The following TAF12 variants were observed in gnomAD, a reference collection of about 807,000 sequenced individuals.
The protein encoded by TAF12 is TATA-box binding protein associated factor 12, also known as transcription initiation factor TFIID subunit 12.
In TAF12, 3 loss-of-function variants were observed where a neutral mutation model predicts 20.8. That is an observed-to-expected ratio of 0.14 (90% confidence interval 0.07 to 0.37). TAF12 has a LOEUF of 0.37. TAF12 is among the 10% of genes least tolerant of loss of function. The pLI is 1.00. For synonymous variants in TAF12, 69 were observed against 70.2 expected (o/e 0.98, Z 0.09); for missense variants, 131 against 197.9 (o/e 0.66, Z 2.03).
At chr1:28,624,490 TA>T (rs747566463) in intron 1 of TAF12, among the ~76,000 whole-genome samples, 11 of 152,326 alleles carry the variant, frequency 7.2e-5, no homozygotes, top group Non-Finnish European at 1.3e-4. Flanking sequence ...CTCATGCCTG[TA>T]ATCCCAGCAC....
At chr1:28,617,412 G>T (rs575424562) in intron 3 of TAF12, among the ~76,000 whole-genome samples, 1 of 151,354 alleles carries the variant, frequency 6.6e-6, no homozygotes, top group Non-Finnish European at 1.5e-5. Flanking sequence ...CTAGTAGCTG[G>T]AACTACAGGT....
chr1:28,615,812 A>T (rs1667021629), intron 3 of TAF12, among the ~76,000 whole-genome samples: 1 of 151,634 alleles, frequency 6.6e-6, no homozygotes, highest in African/African-American at 2.4e-5. Flanking sequence ...CATTTAGGGA[A>T]TCTTCCATTA....
intron 1 of TAF12, among the ~76,000 whole-genome samples, chr1:28,639,095 G>A (rs887788981): frequency 2.0e-5 from 3 of 150,926 alleles, no homozygotes; most frequent in Non-Finnish European, 4.4e-5. Flanking sequence ...AATTTTTTAA[G>A]ACAGAATCTT....
chr1:28,623,047 AC>A lies in TAF12; in HGVS notation c.-84-883del, dbSNP rs377460494. ...CCCCCACCGCCCCACAAAAAAAAAA[AC>A]AAAACACAAAAAACACTTAGCTGGA... is the stretch of plus-strand genomic sequence containing the variant. On this transcript the variant is annotated intron_variant, in intron 1 of 5. Coordinates refer to ENST00000373824, the MANE Select transcript of TAF12 (RefSeq NM_005644.4). Among the ~76,000 whole-genome samples the A allele has an allele frequency of 8.4e-3, 1,257 of 150,404 alleles. 16 individuals are homozygous for A. Among genetic ancestry groups the A allele is most frequent in the African/African-American group, 0.028 (1,148 of 41,210 alleles).
chr1:28,629,475 A>G (rs150601838), intron 1 of TAF12, among the ~76,000 whole-genome samples: 6 of 152,226 alleles, frequency 3.9e-5, no homozygotes, highest in African/African-American at 1.2e-4. Flanking sequence ...CTGGGATTAC[A>G]GGCACGTACT....
intron 1 of TAF12, among the ~76,000 whole-genome samples, chr1:28,626,286 A>T (rs1053252401): frequency 5.9e-5 from 9 of 151,700 alleles, no homozygotes; most frequent in Non-Finnish European, 1.2e-4. Context: ...CCTCAGCCTA[A>T]ATTTTTTTTA....
intron 5 of TAF12, 113 bp from the exon 6 acceptor site, chr1:28,603,687 C>G (rs1175384416): frequency 1.0e-6 from 1 of 990,416 alleles, no homozygotes; most frequent in Admixed American, 2.0e-5. Context: ...CCGCAGCCCT[C>G]AGAGACCTGC....
Position 28,603,298 on chromosome 1 carries a change from T to C in TAF12, c.*241A>G, listed in dbSNP as rs1666563917. 1.9e-6 allele frequency: 1 copy of C among 529,746 alleles called. No individual in the cohort carries two copies. The highest frequency in any genetic ancestry group is 3.4e-6 in the Non-Finnish European group (1 of 297,496). 32.8% of individuals were successfully genotyped at this position (529,746 alleles called of 1,614,324 possible). ...TATATAATAAACCACAAATAAAATC[T>C]TCTCTGGAAGATACATTGCTCCTCT... On this transcript the variant is annotated 3_prime_UTR_variant, in exon 6 of 6. Transcript: ENST00000373824.
intron 3 of TAF12, among the ~76,000 whole-genome samples, chr1:28,617,052 G>A (rs967700640): frequency 6.6e-6 from 1 of 152,106 alleles, no homozygotes; most frequent in Admixed American, 6.6e-5. Flanking sequence ...CCCAGGAGGC[G>A]GAGGTTGCGG....
upstream of TAF12, chr1:28,643,156 CT>C: frequency 1.0e-6 from 1 of 973,710 alleles, no homozygotes; most frequent in Non-Finnish European, 1.2e-6. Context: ...GCGCGCCTCG[CT>C]TGCGCAGGCG....
intron 1 of TAF12, among the ~76,000 whole-genome samples, chr1:28,626,774 G>A (rs1453200378): frequency 6.6e-6 from 1 of 151,634 alleles, no homozygotes; most frequent in African/African-American, 2.4e-5. Context: ...GCCAGGTGGG[G>A]TGGCAGGTGC....
intron 1 of TAF12, among the ~76,000 whole-genome samples, chr1:28,640,737 A>G (rs923844188): frequency 1.3e-5 from 2 of 152,208 alleles, no homozygotes; most frequent in African/African-American, 4.8e-5. Flanking sequence ...ACACTTATTT[A>G]TGACTTTCCA....
chr1:28,617,810 C>T (rs1176075424), intron 3 of TAF12, 143 bp downstream of exon 3: 7 of 823,494 alleles, frequency 8.5e-6, no homozygotes, highest in Non-Finnish European at 1.4e-5. Context: ...CTAGGCTGGT[C>T]TTGAACCTCT....
intron 1 of TAF12, among the ~76,000 whole-genome samples, chr1:28,628,684 A>C (rs529546513): frequency 6.6e-6 from 1 of 152,336 alleles, no homozygotes; most frequent in African/African-American, 2.4e-5. Context: ...TTAAAAAAAA[A>C]AAATGAGGAG....
chr1:28,613,192 G>A, intron 4 of TAF12, 55 bp downstream of exon 4: 1 of 1,458,092 alleles, frequency 6.9e-7, no homozygotes, highest in South Asian at 1.3e-5. Flanking sequence ...ACTTTCCCTG[G>A]CAGTCCTGAA....
At chr1:28,631,381 T>C (rs1667614022) in intron 1 of TAF12, among the ~76,000 whole-genome samples, 1 of 151,842 alleles carries the variant, frequency 6.6e-6, no homozygotes, top group Non-Finnish European at 1.5e-5. Flanking sequence ...AAAAACTAGC[T>C]GGGTGTGTTG....
At chr1:28,627,480 T>A (rs112304839) in intron 1 of TAF12, among the ~76,000 whole-genome samples, 1 of 147,408 alleles carries the variant, frequency 6.8e-6, no homozygotes, top group African/African-American at 2.5e-5. Flanking sequence ...GATCACAAGG[T>A]CAGGAGATCG....
At chr1:28,637,113 A>G (rs1667857732) in intron 1 of TAF12, among the ~76,000 whole-genome samples, 3 of 152,060 alleles carry the variant, frequency 2.0e-5, no homozygotes, top group African/African-American at 7.3e-5. Context: ...TTGGAAAAAA[A>G]TGGTAACAAG....
At chr1:28,629,024 T>C (rs1270109118) in intron 1 of TAF12, among the ~76,000 whole-genome samples, 2 of 152,180 alleles carry the variant, frequency 1.3e-5, no homozygotes, top group Non-Finnish European at 2.9e-5. Context: ...TGAGCCAAGA[T>C]TGCACCACTG....
Sources: gnomAD v4.1 joint callset for allele counts (sites outside exome capture counted in the v4.1 genomes callset) on GRCh38, gnomAD v4.1.1 for gene constraint, MANE v1.5 for transcripts, NCBI Gene and HGNC (gene_info 2026-07-23, HGNC 2026-07-21) for gene names.